MAP3K11: variants seen among roughly 807,000 people sequenced by gnomAD.
MAP3K11 encodes the protein SH3 domain-containing proline-rich kinase.
In MAP3K11, 46 loss-of-function variants were observed where a neutral mutation model predicts 84.9. That is an observed-to-expected ratio of 0.54 (90% confidence interval 0.43 to 0.69). The LOEUF is 0.69. Ranked by LOEUF, MAP3K11 falls within the 30% of genes least tolerant of loss-of-function variation. The pLI is 0.00. For synonymous variants in MAP3K11, 527 were observed against 514.7 expected, an observed-to-expected ratio of 1.02 and a Z score of -0.32; for missense variants, 1,053 against 1,198.3, an observed-to-expected ratio of 0.88 and a Z score of 1.79.
At chr11:65,601,523 C>G (rs1316862532) in intron 8 of MAP3K11, among the ~76,000 whole-genome samples, 1 of 150,630 alleles carries the variant, frequency 6.6e-6, no homozygotes, top group Non-Finnish European at 1.5e-5. Flanking sequence ...TTGGGAGGCC[C>G]AGGTGGGATG....
rs770405733 is a variant in MAP3K11, at chr11:65,606,085, C to T, written c.1604-4G>A. On this transcript the variant is annotated splice_region_variant and splice_polypyrimidine_tract_variant and intron_variant, in intron 6 of 9. Coordinates refer to ENST00000309100, the MANE Select transcript of MAP3K11 (RefSeq NM_002419.4). ...TGGCCTGGCTCTGCAGGCTCCACTG[C>T]AGGGGAAACCGATGAAATCGGAGAT... 24 of 1,563,548 alleles carry T rather than the reference C, an allele frequency of 1.5e-5. No homozygotes were observed. Among genetic ancestry groups the T allele is most frequent in the Middle Eastern group, 1.7e-4 (1 of 5,882 alleles).
intron 6 of MAP3K11, 39 bp from the exon 7 acceptor site, chr11:65,606,120 T>C (rs1854504967): frequency 6.5e-7 from 1 of 1,537,214 alleles, no homozygotes; most frequent in Admixed American, 2.3e-5. Flanking sequence ...TAATCTTTAT[T>C]CTCCCTCCAT....
Position 65,607,310 on chromosome 11 carries a change from G to A in MAP3K11, c.1449C>T (p.Leu483=), listed in dbSNP as rs1336085204. Residue 483 remains leucine, a synonymous_variant, in exon 5 of 10, where the codon CTC becomes CTT. Coordinates refer to ENST00000309100, the MANE Select transcript of MAP3K11 (RefSeq NM_002419.4). ...TACGCTCGCCGCCGTCGCGCGCCCG[G>A]AGCTTGCTGCGCTTGAATGTCCCGC... ...RRRGTFKRSK[L]RARDGGERIS... 3.9e-6 allele frequency: 6 copies of A among 1,523,332 alleles called. No individual in the cohort carries two copies. In the East Asian group the frequency reaches 1.0e-4, roughly 26 times the overall value. The allele number at this position is 1,523,332 out of a possible 1,614,324, so 94.4% of individuals were successfully genotyped here.
At position 65,613,702 on chromosome 11, in the gene MAP3K11, T is replaced by C; in HGVS notation, c.55A>G (p.Ser19Gly). Residue 19 changes from serine (S) to glycine (G), a missense_variant, in exon 1 of 10, where the codon AGT becomes GGT. By Grantham distance (56) the Ser-to-Gly change is moderately conservative. Coordinates refer to ENST00000309100, the MANE Select transcript of MAP3K11 (RefSeq NM_002419.4). ...LKSPLGSWNG[S>G]GSGGGGGGGG... The stretch of plus-strand genomic sequence containing the variant: ...CCGCCCCCACCACCCCCGCTGCCAC[T>C]GCCATTCCATGACCCTAGAGGGCTC... 1 of 1,075,898 alleles carries C rather than the reference T, an allele frequency of 9.3e-7. No individual in the cohort carries two copies. The highest frequency in any genetic ancestry group is 3.0e-5 in the East Asian group (1 of 33,738). 66.6% of individuals were successfully genotyped at this position (1,075,898 alleles called of 1,614,324 possible).
intron 8 of MAP3K11, 80 bp from the exon 9 acceptor site, chr11:65,599,848 G>T: frequency 6.7e-7 from 1 of 1,482,284 alleles, no homozygotes; most frequent in South Asian, 1.2e-5. Flanking sequence ...CGTGGTCTTG[G>T]AACAAGGACT....
intron 1 of MAP3K11, chr11:65,611,008 T>C (rs960755570): frequency 2.6e-5 from 4 of 152,372 alleles, no homozygotes; most frequent in African/African-American, 9.6e-5. Context: ...CAGAGGAGAA[T>C]GGGCCAGAGA....
At chr11:65,605,585 G>A (rs1399027665) in intron 8 of MAP3K11, 176 bp downstream of exon 8, 1 of 552,092 alleles carries the variant, frequency 1.8e-6, no homozygotes, top group African/African-American at 2.0e-5. Flanking sequence ...TGGGCCTGTA[G>A]GTCAGACCTG....
At chr11:65,601,087 A>C (rs1854450423) in intron 8 of MAP3K11, among the ~76,000 whole-genome samples, 1 of 152,024 alleles carries the variant, frequency 6.6e-6, no homozygotes, top group African/African-American at 2.4e-5. Context: ...CATTCATTCA[A>C]TCAACATCTA....
chr11:65,605,912 T>C, intron 7 of MAP3K11, 34 bp downstream of exon 7: 1 of 1,610,086 alleles, frequency 6.2e-7, no homozygotes, highest in Non-Finnish European at 8.5e-7. Context: ...GGAAAGCAAA[T>C]GATGCTGGGT....
At chr11:65,601,986 G>A (rs1854461197) in intron 8 of MAP3K11, among the ~76,000 whole-genome samples, 1 of 146,530 alleles carries the variant, frequency 6.8e-6, no homozygotes, top group Non-Finnish European at 1.5e-5. Flanking sequence ...GGCGGATCAC[G>A]AGGTCAAGAA....
In MAP3K11 at chr11:65,607,728, T is replaced by A. The variant is rs1854528517; in HGVS notation, c.1158A>T (p.Glu386Asp). The A allele has an allele frequency of 6.2e-7, 1 of 1,613,818 alleles. No homozygotes were observed. Among genetic ancestry groups the A allele is most frequent in the African/African-American group, 1.3e-5 (1 of 74,924 alleles). The change falls in exon 4 of 10, where the codon GAA becomes GAT. Residue 386 changes from glutamate to aspartate, a missense_variant. Physicochemically the swap from Glu to Asp is conservative, Grantham distance 45. This residue lies in a region of MAP3K11 where 310 missense variants were observed against 464.5 expected (regional missense o/e 0.67). Coordinates refer to ENST00000309100, the MANE Select transcript of MAP3K11 (RefSeq NM_002419.4). The stretch of plus-strand genomic sequence containing the variant: ...TGGAATGGAAGGAGTCCCGCGGCAT[T>A]TCCCGTAGGACCTGTGCCTCCAGCG... ...LEALEAQVLR[E>D]MPRDSFHSMQ...
At chr11:65,602,860 A>G (rs1351136214) in intron 8 of MAP3K11, among the ~76,000 whole-genome samples, 1 of 152,058 alleles carries the variant, frequency 6.6e-6, no homozygotes, top group East Asian at 1.9e-4. Context: ...CACACCTGTA[A>G]TGCCAGCACT....
Position 65,613,413 on chromosome 11 carries a change from T to A in MAP3K11, c.344A>T (p.Gln115Leu). 2.5e-6 allele frequency: 4 copies of A among 1,612,792 alleles called. No individual in the cohort carries two copies. The highest frequency in any genetic ancestry group is 3.4e-6 in the Non-Finnish European group (4 of 1,179,832). Residue 115 changes from glutamine to leucine, a missense_variant, in exon 1 of 10, where the codon CAG becomes CTG. Physicochemically the swap from Gln to Leu is moderately radical, Grantham distance 113. This residue lies in a region of MAP3K11 where 160 missense variants were observed against 167.3 expected (regional missense o/e 0.96). Coordinates refer to ENST00000309100, the MANE Select transcript of MAP3K11 (RefSeq NM_002419.4). ...GPPPCEVASF[Q>L]ELRLEEVIGI... is the part of the protein sequence containing the mutation. ...GATCACCTCCTCCAGCCGCAGCTCC[T>A]GGAAGCTGGCCACCTCGCAGGGGGG...
chr11:65,612,410 G>T (rs1479927237), intron 1 of MAP3K11: 1 of 152,310 alleles, frequency 6.6e-6, no homozygotes, highest in Non-Finnish European at 1.5e-5. Flanking sequence ...ACCCGCTGTG[G>T]GTTGGGGATC....
At chr11:65,612,174 G>T (rs2135374246) in intron 1 of MAP3K11, 1 of 152,668 alleles carries the variant, frequency 6.6e-6, no homozygotes, top group South Asian at 2.1e-4. Flanking sequence ...TCCCTGCTGT[G>T]TGCTGGGTCC....
At chr11:65,599,897 G>A in intron 8 of MAP3K11, 129 bp from the exon 9 acceptor site, 3 of 998,274 alleles carry the variant, frequency 3.0e-6, no homozygotes, top group Non-Finnish European at 4.3e-6. Flanking sequence ...TGGTCCCACA[G>A]GTCCCATGGC....
chr11:65,605,799 G>C lies in MAP3K11; in HGVS notation c.1793C>G (p.Ser598Cys). 24 of 1,612,896 alleles carry C rather than the reference G, an allele frequency of 1.5e-5. No individual in the cohort carries two copies. Among genetic ancestry groups the C allele is most frequent in the Non-Finnish European group, 2.0e-5 (24 of 1,179,480 alleles). Reference sequence around the variant, plus strand: ...GGGTGTGGAAGGAGATCCTAAGGGGGATGAGTCATCTGAATCCAGGTACCA... The same window carrying C: ...GGGTGTGGAAGGAGATCCTAAGGGGCATGAGTCATCTGAATCCAGGTACCA... ...ATWYLDSDDS[S>C]PLGSPSTPPA... Residue 598 changes from serine to cysteine, a missense_variant, in exon 8 of 10, where the codon TCC (serine) becomes TGC (cysteine). By Grantham distance (112) the Ser-to-Cys change is moderately radical (BLOSUM62 -1). Transcript: ENST00000309100.
intron 8 of MAP3K11, among the ~76,000 whole-genome samples, chr11:65,601,950 T>C (rs1854460659): frequency 6.6e-6 from 1 of 151,742 alleles, no homozygotes; most frequent in Non-Finnish European, 1.5e-5. Context: ...ACACCTGTAA[T>C]CCCAGCACTT....
rs1854405786 is a variant in MAP3K11, at chr11:65,598,245, G to C, written c.*46C>G. 5.1e-6 allele frequency: 7 copies of C among 1,373,384 alleles called. No individual in the cohort carries two copies. The highest frequency in any genetic ancestry group is 6.6e-6 in the Non-Finnish European group (7 of 1,054,516). 85.1% of individuals were successfully genotyped at this position (1,373,384 alleles called of 1,614,324 possible). On this transcript the variant is annotated 3_prime_UTR_variant, in exon 10 of 10. Transcript: ENST00000309100. ...CAGCTCCTGTTCCAGTGTATGCTGTGACTCCTCCTAAGGCAGCTGGAGCTC... is the reference window on the plus strand; with the variant it reads ...CAGCTCCTGTTCCAGTGTATGCTGTCACTCCTCCTAAGGCAGCTGGAGCTC...
Sources: gnomAD v4.1 joint callset for allele counts (sites outside exome capture counted in the v4.1 genomes callset) on GRCh38, gnomAD v4.1.1 for gene constraint, gnomAD v4.1.1 regional missense constraint, MANE v1.5 for transcripts, NCBI Gene and HGNC (gene_info 2026-07-23, HGNC 2026-07-21) for gene names.